The following REDIC1 variants were observed in gnomAD, a reference collection of about 807,000 sequenced individuals.
REDIC1 encodes the protein HEI10 Interacting Protein 1.
At chr12:39,727,531 C>A in the REDIC1 span, among the ~76,000 whole-genome samples, 13 of 152,242 alleles carry the variant, frequency 8.5e-5, no homozygotes, top group South Asian at 2.5e-3. Context: ...GCTACCAGTA[C>A]CATGTTGTTT....
the REDIC1 span, among the ~76,000 whole-genome samples, chr12:39,713,769 A>G: frequency 8.7e-5 from 13 of 149,158 alleles, no homozygotes; most frequent in Non-Finnish European, 1.8e-4. Context: ...ACGTATATAT[A>G]TATTTGTACG....
chr12:39,692,167 T>C, the REDIC1 span: 1 of 1,363,734 alleles, frequency 7.3e-7, no homozygotes, highest in South Asian at 1.5e-5. Flanking sequence ...AACAATTAAA[T>C]AGAAATCAGT....
chr12:39,752,237 G>A, the REDIC1 span, among the ~76,000 whole-genome samples: 2 of 152,114 alleles, frequency 1.3e-5, no homozygotes, highest in African/African-American at 2.4e-5. Context: ...GGAGGTGAGC[G>A]ATGGGCAAGT....
chr12:39,745,036 T>C, the REDIC1 span, among the ~76,000 whole-genome samples: 2 of 152,214 alleles, frequency 1.3e-5, no homozygotes, highest in Non-Finnish European at 2.9e-5. Context: ...CTGAACTAGC[T>C]ATATTAATTT....
At chr12:39,665,387 G>A in the REDIC1 span, among the ~76,000 whole-genome samples, 4 of 152,128 alleles carry the variant, frequency 2.6e-5, no homozygotes, top group Admixed American at 6.5e-5. Flanking sequence ...GGTTGTAGAT[G>A]TGTGGCATTA....
At chr12:39,678,511 A>G in the REDIC1 span, among the ~76,000 whole-genome samples, 1 of 152,164 alleles carries the variant, frequency 6.6e-6, no homozygotes, top group East Asian at 1.9e-4. Context: ...TCAGCCATTC[A>G]AAGAAGAATT....
chr12:39,727,385 C>A, the REDIC1 span, among the ~76,000 whole-genome samples: 1 of 152,156 alleles, frequency 6.6e-6, no homozygotes, highest in Admixed American at 6.5e-5. Flanking sequence ...CCAGTTTTCA[C>A]AACAGCATTT....
the REDIC1 span, among the ~76,000 whole-genome samples, chr12:39,678,142 TAAATG>T: frequency 6.6e-6 from 1 of 151,862 alleles, no homozygotes; most frequent in Non-Finnish European, 1.5e-5. Flanking sequence ...ATACAAAAGA[TAAATG>T]AAATGAAAAG....
chr12:39,700,079 G>A, the REDIC1 span, among the ~76,000 whole-genome samples: 4 of 152,308 alleles, frequency 2.6e-5, no homozygotes, highest in Admixed American at 6.5e-5. Context: ...ACGGAACAAA[G>A]CTGGACGGAG....
At chr12:39,698,111 G>T in the REDIC1 span, among the ~76,000 whole-genome samples, 1 of 152,094 alleles carries the variant, frequency 6.6e-6, no homozygotes, top group Admixed American at 6.5e-5. Flanking sequence ...GTAGCTACAC[G>T]TATATTAGAC....
chr12:39,678,367 AC>A, the REDIC1 span, among the ~76,000 whole-genome samples: 30 of 151,920 alleles, frequency 2.0e-4, no homozygotes, highest in African/African-American at 6.3e-4. Context: ...GAAATATACA[AC>A]CCTCCTAGAT....
the REDIC1 span, among the ~76,000 whole-genome samples, chr12:39,807,267 G>A: frequency 6.6e-6 from 1 of 152,144 alleles, no homozygotes; most frequent in Non-Finnish European, 1.5e-5. Context: ...TGTGGTAACA[G>A]AACTATATCT....
chr12:39,638,846 G>A, the REDIC1 span, among the ~76,000 whole-genome samples: 1 of 151,970 alleles, frequency 6.6e-6, no homozygotes, highest in South Asian at 2.1e-4. Flanking sequence ...TGGGCATTAA[G>A]TAGTATGTAG....
the REDIC1 span, among the ~76,000 whole-genome samples, chr12:39,904,798 T>G: frequency 6.6e-6 from 1 of 152,124 alleles, no homozygotes. Context: ...ATGCTACTTC[T>G]TTAGTGCATA....
the REDIC1 span, among the ~76,000 whole-genome samples, chr12:39,766,119 C>A: frequency 4.6e-5 from 7 of 152,114 alleles, no homozygotes; most frequent in Non-Finnish European, 8.8e-5. Context: ...CTGATCACAA[C>A]CACCACTTTG....
At chr12:39,716,387 G>T in the REDIC1 span, among the ~76,000 whole-genome samples, 2 of 151,938 alleles carry the variant, frequency 1.3e-5, no homozygotes, top group Non-Finnish European at 2.9e-5. Flanking sequence ...AATGTCTGAT[G>T]CCTTAGGACT....
the REDIC1 span, among the ~76,000 whole-genome samples, chr12:39,769,120 A>G: frequency 6.6e-6 from 1 of 152,090 alleles, no homozygotes; most frequent in Non-Finnish European, 1.5e-5. Flanking sequence ...ATGCCATTTT[A>G]TCTCAGTTGG....
chr12:39,732,851 T>C, the REDIC1 span, among the ~76,000 whole-genome samples: 1 of 152,216 alleles, frequency 6.6e-6, no homozygotes, highest in Non-Finnish European at 1.5e-5. Context: ...TAGGCTTTGA[T>C]AGCTTCCTTG....
chr12:39,643,384 GC>G, the REDIC1 span, among the ~76,000 whole-genome samples: 4 of 151,542 alleles, frequency 2.6e-5, no homozygotes, highest in African/African-American at 9.6e-5. Context: ...ATGGCACTCA[GC>G]TGTGCATATT....
Sources: allele counts gnomAD v4.1 joint callset (sites outside exome capture counted in the v4.1 genomes callset), GRCh38; gene constraint gnomAD v4.1.1; transcripts MANE v1.5; gene names NCBI Gene and HGNC (gene_info 2026-07-23, HGNC 2026-07-21).